MYT1: variants seen among roughly 807,000 people sequenced by gnomAD.
The protein encoded by MYT1 is myelin transcription factor 1.
A neutral mutation model predicts 123.0 loss-of-function variants in MYT1; 23 were observed. That is an observed-to-expected ratio of 0.19 (90% CI 0.13 to 0.26). The LOEUF (loss-of-function observed/expected upper bound fraction) is 0.26, where lower values mean the gene tolerates loss of function less well. MYT1 is among the 10% of genes least tolerant of loss of function. The pLI is 1.00. For synonymous variants in MYT1, 518 were observed against 575.3 expected, an observed-to-expected ratio of 0.90 and a Z score of 1.43; for missense variants, 1,125 against 1,472.5, an observed-to-expected ratio of 0.76 and a Z score of 3.86.
chr20:64,203,098 G>A lies in MYT1; in HGVS notation c.87-1937G>A, dbSNP rs572701888. Among the ~76,000 whole-genome samples the A allele has an allele frequency of 2.6e-5, 4 of 152,288 alleles. No individual in the cohort carries two copies. The highest frequency in any genetic ancestry group is 9.6e-5 in the African/African-American group (4 of 41,552). Reference sequence around the variant, plus strand: ...GGTTTCCAGCTTCCTGTCCCCGAGCGGCCTTGTCCGCTCCACGCACTTGGG... The same window carrying A: ...GGTTTCCAGCTTCCTGTCCCCGAGCAGCCTTGTCCGCTCCACGCACTTGGG... On this transcript the variant is annotated intron_variant, in intron 4 of 22. Transcript: ENST00000328439. The surrounding 1 kb of genome is among the most constrained non-coding windows in gnomAD (Gnocchi z 5.1).
At chr20:64,214,913 G>C (rs1227408687) in intron 10 of MYT1, among the ~76,000 whole-genome samples, 4 of 152,148 alleles carry the variant, frequency 2.6e-5, no homozygotes, top group African/African-American at 9.7e-5. Flanking sequence ...CCCTTCCCTG[G>C]TCTGCTCCAG....
intron 1 of MYT1, among the ~76,000 whole-genome samples, chr20:64,182,128 G>A (rs1298144686): frequency 6.6e-6 from 1 of 152,250 alleles, no homozygotes; most frequent in Admixed American, 6.5e-5. Context: ...GGATAAATGA[G>A]GGATTGAGAG....
rs748636356 is a variant in MYT1, at chr20:64,211,295, C to T, written c.1381C>T (p.Arg461Cys). 3 of 1,614,042 alleles carry T rather than the reference C, an allele frequency of 1.9e-6. No individual in the cohort carries two copies. Among genetic ancestry groups the T allele is most frequent in the South Asian group, 1.1e-5 (1 of 91,006 alleles). The change falls in exon 8 of 23, where the codon CGC (arginine) becomes TGC (cysteine). Residue 461 changes from arginine (R) to cysteine (C), a missense_variant. This residue lies in a region of MYT1 where 429 missense variants were observed against 604.1 expected (regional missense o/e 0.71). Transcript: ENST00000328439. ...GHVTGLYPHHRSLSGCPHKDR... is the reference protein window; with the variant it reads ...GHVTGLYPHHCSLSGCPHKDR... ...CGTTACCGGGTTGTACCCTCACCACCGCAGCCTTTCTGGCTGTCCCCACAA... is the reference window on the plus strand; with the variant it reads ...CGTTACCGGGTTGTACCCTCACCACTGCAGCCTTTCTGGCTGTCCCCACAA...
In MYT1 at chr20:64,228,024, T is replaced by C. The variant is rs901368031; in HGVS notation, c.2675+53T>C. On this transcript the variant is annotated intron_variant, in intron 18 of 22. Transcript: ENST00000328439. ...TTGCATTGCGGAATTGAGATTTTCG[T>C]GTGTTTTATAATGTAAAAAAACTCC... 5.7e-6 allele frequency: 9 copies of C among 1,565,632 alleles called. No homozygotes were observed. The East Asian group carries it at 9.0e-5, about 16-fold the overall frequency.
chr20:64,201,525 T>C (rs1983299101), intron 4 of MYT1, among the ~76,000 whole-genome samples: 1 of 152,254 alleles, frequency 6.6e-6, no homozygotes. Flanking sequence ...AGGAATCAAA[T>C]ACATTCTGCA....
At chr20:64,172,076 T>A (rs1982300834) in intron 1 of MYT1, among the ~76,000 whole-genome samples, 1 of 152,164 alleles carries the variant, frequency 6.6e-6, no homozygotes, top group African/African-American at 2.4e-5. Context: ...ACCTCTGGTG[T>A]GGGTAAAGCG....
intron 1 of MYT1, among the ~76,000 whole-genome samples, chr20:64,172,797 G>C (rs1477007297): frequency 7.3e-6 from 1 of 137,472 alleles, no homozygotes; most frequent in Non-Finnish European, 1.5e-5. Context: ...GCCCAGGCTG[G>C]AGTGCAGTGG....
At position 64,211,276 on chromosome 20, in the gene MYT1, C is replaced by G. The variant is rs374346702; in HGVS notation, c.1362C>G (p.Thr454=). The G allele has an allele frequency of 6.2e-7, 1 of 1,614,098 alleles. No individual in the cohort carries two copies. Among genetic ancestry groups the G allele is most frequent in the Non-Finnish European group, 8.5e-7 (1 of 1,179,966 alleles). ...GCTGTGATGGCACTGGCCACGTTAC[C>G]GGGTTGTACCCTCACCACCGCAGCC... ...TPGCDGTGHV[T]GLYPHHRSLS... The change falls in exon 8 of 23, where the codon ACC becomes ACG. Residue 454 remains threonine (T), a synonymous_variant. Coordinates refer to ENST00000328439, the MANE Select transcript of MYT1 (RefSeq NM_004535.3).
intron 1 of MYT1, among the ~76,000 whole-genome samples, chr20:64,187,013 C>T (rs1439240791): frequency 2.1e-5 from 3 of 145,430 alleles, no homozygotes; most frequent in Non-Finnish European, 3.0e-5. Context: ...TCCACGTTTC[C>T]GTGGAGAGAT....
rs981347192 is a variant in MYT1 at position 64,166,560 on chromosome 20, G to A, written c.-99+1821G>A. Among the ~76,000 whole-genome samples the A allele has an allele frequency of 6.6e-6, 1 of 152,166 alleles. No individual in the cohort carries two copies. Among genetic ancestry groups the A allele is most frequent in the Non-Finnish European group, 1.5e-5 (1 of 68,022 alleles). On this transcript the variant is annotated intron_variant, in intron 1 of 22. Coordinates refer to ENST00000328439, the MANE Select transcript of MYT1 (RefSeq NM_004535.3). This position sits in a 1 kb window ranked among gnomAD's most constrained non-coding sequence, Gnocchi z 4.9. ...TAGCCCTCTTCAGAGACCCGAGGCA[G>A]GGGGGCTGCTTCTGTCCAAAGTGCC...
In MYT1 at chr20:64,203,544, G is replaced by A. The variant is rs914758830; in HGVS notation, c.87-1491G>A. On this transcript the variant is annotated intron_variant, in intron 4 of 22. Coordinates refer to ENST00000328439, the MANE Select transcript of MYT1 (RefSeq NM_004535.3). This position sits in a 1 kb window ranked among gnomAD's most constrained non-coding sequence, Gnocchi z 5.1. Reference sequence around the variant, plus strand: ...CCTCTTCCCCTCCCTTCCCGTCTGGGTTCCCTCTTCCCTCCTCCCTCCCTC... The same window carrying A: ...CCTCTTCCCCTCCCTTCCCGTCTGGATTCCCTCTTCCCTCCTCCCTCCCTC... 6.6e-6 allele frequency among the ~76,000 whole-genome samples: 1 copy of A among 151,706 alleles called. No homozygotes were observed. Among genetic ancestry groups the A allele is most frequent in the Non-Finnish European group, 1.5e-5 (1 of 67,926 alleles).
chr20:64,182,070 T>C (rs1982669693), intron 1 of MYT1, among the ~76,000 whole-genome samples: 1 of 152,254 alleles, frequency 6.6e-6, no homozygotes, highest in South Asian at 2.1e-4. Context: ...AACCGTTTTC[T>C]TGCTGCCTTG....
chr20:64,170,633 T>A (rs373966), intron 1 of MYT1, among the ~76,000 whole-genome samples: 127,765 of 151,284 alleles, frequency 0.84, 54,099 homozygotes, highest in East Asian at 0.97. Flanking sequence ...TACTGCACAT[T>A]AAAGAGGTAC....
chr20:64,199,952 A>G (rs1394502940), intron 4 of MYT1, 30 bp downstream of exon 4: 9 of 1,612,080 alleles, frequency 5.6e-6, no homozygotes, highest in Non-Finnish European at 7.6e-6. Context: ...AGCACCAAGC[A>G]TCGTCTATGT....
chr20:64,236,712 C>T (rs1193318435), intron 20 of MYT1, 66 bp downstream of exon 20: 2 of 1,389,750 alleles, frequency 1.4e-6, no homozygotes, highest in African/African-American at 1.4e-5. Context: ...AGCTGTGCAC[C>T]TTTTGTGCTG....
rs571668579 is a variant in MYT1 at position 64,232,485 on chromosome 20, C to T, written c.2897+100C>T. On this transcript the variant is annotated intron_variant, in intron 19 of 22. Coordinates refer to ENST00000328439, the MANE Select transcript of MYT1 (RefSeq NM_004535.3). This position sits in a 1 kb window ranked among gnomAD's most constrained non-coding sequence, Gnocchi z 6.9. The stretch of plus-strand genomic sequence containing the variant: ...CTGAGGGAGGGCCAGACCAGGGCTC[C>T]GTGTGACCAGAGTTGCTCAAGGGAA... The T allele has an allele frequency of 2.1e-5, 26 of 1,222,646 alleles. No individual in the cohort carries two copies. Among genetic ancestry groups the T allele is most frequent in the South Asian group, 5.3e-5 (4 of 76,032 alleles). The allele number at this position is 1,222,646 out of a possible 1,614,324, so 75.7% of individuals were successfully genotyped here. A position where few individuals can be genotyped will look rare whatever the true frequency, so the allele number is the denominator to read the frequency against.
At chr20:64,227,591 C>T in intron 17 of MYT1, 114 bp downstream of exon 17, 1 of 994,836 alleles carries the variant, frequency 1.0e-6, no homozygotes, top group South Asian at 1.6e-5. Context: ...ATTCCCATCT[C>T]TTTAATCTGA....
intron 19 of MYT1, among the ~76,000 whole-genome samples, chr20:64,233,654 C>T (rs984360947): frequency 6.6e-6 from 1 of 150,836 alleles, no homozygotes; most frequent in South Asian, 2.1e-4. Context: ...GTAGGTGGGA[C>T]AGCCTGTAAA....
At chr20:64,198,286 CAAAAAAAAAAAAAAAAAA>C (rs34822167) in intron 2 of MYT1, among the ~76,000 whole-genome samples, 1 of 23,818 alleles carries the variant, frequency 4.2e-5, no homozygotes, top group African/African-American at 1.1e-4. Context: ...GACTCCGTCT[CAAAAAAAAAAAAAAAAAA>C]AAAAAAAAAG....
Sources: allele counts gnomAD v4.1 joint callset (sites outside exome capture counted in the v4.1 genomes callset), GRCh38; gene constraint gnomAD v4.1.1; regional missense constraint gnomAD v4.1.1; non-coding constraint Gnocchi (gnomAD v3.1); transcripts MANE v1.5; gene names NCBI Gene and HGNC (gene_info 2026-07-23, HGNC 2026-07-21).